The following TENM4 variants were observed in gnomAD, a reference collection of about 807,000 sequenced individuals.
TENM4 encodes teneurin transmembrane protein 4.
In TENM4, 82 loss-of-function variants were observed where a neutral mutation model predicts 243.3. The ratio of observed to expected loss-of-function variants is 0.34; its 90% confidence interval spans 0.28 to 0.40. TENM4 has a LOEUF of 0.40. Among genes scored for constraint, TENM4 ranks in the 10% least tolerant of loss-of-function variants. The probability of loss-of-function intolerance (pLI) is 1.00; values close to 1 mark genes in which losing one functional copy is unlikely to be tolerated. For synonymous variants in TENM4, 1,412 were observed against 1,456.3 expected (o/e 0.97, Z 0.69); for missense variants, 3,138 against 3,673.3 (o/e 0.85, Z 3.77).
At chr11:78,863,261 A>C in intron 9 of TENM4, 129 bp from the exon 10 acceptor site, 3 of 1,060,252 alleles carry the variant, frequency 2.8e-6, no homozygotes, top group South Asian at 4.5e-5. Context: ...GTAGCCCCAA[A>C]AGGAAGCTCT....
intron 1 of TENM4, among the ~76,000 whole-genome samples, chr11:79,349,411 G>A (rs1052589361): frequency 6.6e-6 from 1 of 152,170 alleles, no homozygotes; most frequent in African/African-American, 2.4e-5. Flanking sequence ...AATAATAGCT[G>A]AACACCTTTC....
At chr11:79,208,097 G>T (rs1481403768) in intron 3 of TENM4, among the ~76,000 whole-genome samples, 1 of 152,030 alleles carries the variant, frequency 6.6e-6, no homozygotes, top group Non-Finnish European at 1.5e-5. Context: ...TCTTGCTCTA[G>T]AATTCCTAGA....
intron 1 of TENM4, among the ~76,000 whole-genome samples, chr11:79,304,441 G>A: frequency 6.6e-6 from 1 of 152,282 alleles, no homozygotes; most frequent in African/African-American, 2.4e-5. Context: ...CTCTCCTCCA[G>A]GGACCATGGT....
intron 6 of TENM4, among the ~76,000 whole-genome samples, chr11:78,950,824 T>G (rs1376615612): frequency 1.3e-5 from 2 of 152,206 alleles, no homozygotes; most frequent in African/African-American, 4.8e-5. Flanking sequence ...AGATCACAGC[T>G]AATAATGACA....
At chr11:79,369,321 G>A (rs1857736703) in intron 1 of TENM4, among the ~76,000 whole-genome samples, 1 of 152,220 alleles carries the variant, frequency 6.6e-6, no homozygotes, top group Admixed American at 6.5e-5. Flanking sequence ...CCTGAGTTAA[G>A]TAGCGGATGA....
intron 16 of TENM4, among the ~76,000 whole-genome samples, chr11:78,784,082 T>G (rs1303508635): frequency 6.6e-6 from 1 of 152,218 alleles, no homozygotes; most frequent in Admixed American, 6.5e-5. Flanking sequence ...GCTCTTTCTC[T>G]GGTATGGGAA....
intron 32 of TENM4, among the ~76,000 whole-genome samples, chr11:78,667,837 C>T (rs1858194540): frequency 6.6e-6 from 1 of 152,154 alleles, no homozygotes. Context: ...GTGGGATGTG[C>T]CCAATTTTTG....
intron 9 of TENM4, among the ~76,000 whole-genome samples, chr11:78,887,793 G>A (rs1045419878): frequency 1.3e-4 from 20 of 152,154 alleles, no homozygotes; most frequent in Non-Finnish European, 4.4e-5. Flanking sequence ...TGGAAAACAG[G>A]AGAGAGTTTG....
intron 6 of TENM4, among the ~76,000 whole-genome samples, chr11:78,929,640 G>C (rs1286888716): frequency 1.3e-5 from 2 of 152,158 alleles, no homozygotes; most frequent in African/African-American, 4.8e-5. Flanking sequence ...AGATGGTAAA[G>C]AGGGAACCTG....
chr11:78,919,569 G>T (rs1174335980), intron 6 of TENM4, among the ~76,000 whole-genome samples: 1 of 152,138 alleles, frequency 6.6e-6, no homozygotes, highest in East Asian at 1.9e-4. Flanking sequence ...TACAAGGCTG[G>T]TAGTAGATAA....
At position 79,259,859 on chromosome 11, in the gene TENM4, G is replaced by A. The variant is rs1047333363; in HGVS notation, c.-265+37629C>T. 2.6e-5 allele frequency among the ~76,000 whole-genome samples: 4 copies of A among 152,168 alleles called. No homozygotes were observed. In the East Asian group the frequency reaches 5.8e-4, roughly 22 times the overall value. On this transcript the variant is annotated intron_variant, in intron 2 of 33. Coordinates refer to ENST00000278550, the MANE Select transcript of TENM4 (RefSeq NM_001098816.3). ...TTTTGTTGTCATTTACTGTAGTCAC[G>A]CAAGATGGGTTAATATCACATCGCT... is the stretch of plus-strand genomic sequence containing the variant.
rs201169498 is a variant in TENM4 at position 79,085,216 on chromosome 11, CA to C, written c.-65-15208del. Among the ~76,000 whole-genome samples the C allele has an allele frequency of 5.4e-3, 780 of 143,856 alleles. 3 individuals carry two copies. The highest frequency in any genetic ancestry group is 0.015 in the African/African-American group (585 of 39,534). The allele number at this position is 143,856 out of a possible 152,430, so 94.4% of individuals were successfully genotyped here. ...TGAAACCCCCTCTTTACTAAAAATA[CA>C]AAAAAAAAAATTAGCGGGGTGTGGT... On this transcript the variant is annotated intron_variant, in intron 4 of 33. Coordinates refer to ENST00000278550, the MANE Select transcript of TENM4 (RefSeq NM_001098816.3).
At chr11:79,397,799 T>C (rs1858376370) in intron 1 of TENM4, among the ~76,000 whole-genome samples, 2 of 152,126 alleles carry the variant, frequency 1.3e-5, no homozygotes, top group South Asian at 4.2e-4. Context: ...GTTTGTATGA[T>C]TTTTCCCCCT....
intron 6 of TENM4, among the ~76,000 whole-genome samples, chr11:78,930,843 G>A (rs772365464): frequency 2.0e-5 from 3 of 152,150 alleles, no homozygotes; most frequent in Admixed American, 6.5e-5. Context: ...GGCCCTGAGC[G>A]AAGAAAAATT....
chr11:78,872,894 T>C (rs1859171811), intron 9 of TENM4, among the ~76,000 whole-genome samples: 2 of 152,206 alleles, frequency 1.3e-5, no homozygotes, highest in South Asian at 4.1e-4. Flanking sequence ...GGAGTTTTAA[T>C]TTGTGTATGT....
chr11:79,426,955 T>A (rs1296375423), intron 1 of TENM4, among the ~76,000 whole-genome samples: 1 of 152,210 alleles, frequency 6.6e-6, no homozygotes, highest in East Asian at 1.9e-4. Context: ...AAGCAAGATA[T>A]GGCCTAGATC....
chr11:78,792,074 C>T (rs1464039444), intron 15 of TENM4, among the ~76,000 whole-genome samples: 1 of 152,120 alleles, frequency 6.6e-6, no homozygotes, highest in African/African-American at 2.4e-5. Flanking sequence ...AATAATGGTC[C>T]CCCTCTAGGA....
intron 1 of TENM4, among the ~76,000 whole-genome samples, chr11:79,397,807 C>T (rs1191810785): frequency 6.6e-6 from 1 of 152,104 alleles, no homozygotes; most frequent in Non-Finnish European, 1.5e-5. Flanking sequence ...GATTTTTCCC[C>T]CTCCTTTCTT....
chr11:78,870,417 G>T (rs966375285), intron 9 of TENM4, among the ~76,000 whole-genome samples: 1 of 152,144 alleles, frequency 6.6e-6, no homozygotes, highest in Non-Finnish European at 1.5e-5. Context: ...TTGGTAATGG[G>T]AACTAGAGAT....
Sources: gnomAD v4.1 joint callset for allele counts (sites outside exome capture counted in the v4.1 genomes callset) on GRCh38, gnomAD v4.1.1 for gene constraint, MANE v1.5 for transcripts, NCBI Gene and HGNC (gene_info 2026-07-23, HGNC 2026-07-21) for gene names.